GRIA2: variants seen among roughly 807,000 people sequenced by gnomAD.
The protein encoded by GRIA2 is glutamate ionotropic receptor AMPA type subunit 2.
In GRIA2, 14 loss-of-function variants were observed where a neutral mutation model predicts 97.3. The observed-to-expected ratio is 0.14, with a 90% confidence interval of 0.10 to 0.23. The LOEUF is 0.23. GRIA2 is among the 10% of genes least tolerant of loss of function. The probability of loss-of-function intolerance (pLI) is 1.00; values close to 1 mark genes in which losing one functional copy is unlikely to be tolerated. For missense variants in GRIA2, 558 were observed against 1,069.8 expected, an observed-to-expected ratio of 0.52 and a Z score of 6.67; for synonymous variants, 412 against 387.8, an observed-to-expected ratio of 1.06 and a Z score of -0.73.
Position 157,312,789 on chromosome 4 carries a change from T to A in GRIA2, c.580T>A (p.Ser194Thr), listed in dbSNP as rs758528604. 6.2e-7 allele frequency: 1 copy of A among 1,610,622 alleles called. No homozygotes were observed. Among genetic ancestry groups the A allele is most frequent in the Non-Finnish European group, 8.5e-7 (1 of 1,177,264 alleles). ...NNDKKDEMYR[S>T]LFQDLELKKE... ...TGACAAGAAAGATGAGATGTACCGA[T>A]CACTTTTTCAAGATCTGGAGTTAAA... The change falls in exon 4 of 16, where the codon TCA (serine) becomes ACA (threonine). Residue 194 changes from serine (S) to threonine (T), a missense_variant. Coordinates refer to ENST00000264426, the MANE Select transcript of GRIA2 (RefSeq NM_001083619.3).
At chr4:157,310,971 A>T (rs539234766) in intron 3 of GRIA2, among the ~76,000 whole-genome samples, 2 of 152,174 alleles carry the variant, frequency 1.3e-5, no homozygotes, top group East Asian at 3.9e-4. Flanking sequence ...GAATATTATC[A>T]TTTGGAGACA....
intron 2 of GRIA2, among the ~76,000 whole-genome samples, chr4:157,244,260 C>T (rs1382993873): frequency 6.6e-6 from 1 of 151,978 alleles, no homozygotes; most frequent in Non-Finnish European, 1.5e-5. Context: ...AATAAACCAA[C>T]AAAAGCTAGA....
At chr4:157,278,568 C>T (rs547579692) in intron 2 of GRIA2, among the ~76,000 whole-genome samples, 2 of 151,924 alleles carry the variant, frequency 1.3e-5, no homozygotes, top group Non-Finnish European at 2.9e-5. Flanking sequence ...ATGTTGATTA[C>T]TTTTAGGATA....
At chr4:157,295,966 A>C (rs2126847684) in intron 2 of GRIA2, among the ~76,000 whole-genome samples, 1 of 152,238 alleles carries the variant, frequency 6.6e-6, no homozygotes, top group Non-Finnish European at 1.5e-5. Context: ...TCATGTGCAA[A>C]ATTTGTTATT....
At chr4:157,333,463 C>T (rs1735148719) in intron 8 of GRIA2, 110 bp downstream of exon 8, 5 of 481,424 alleles carry the variant, frequency 1.0e-5, no homozygotes, top group South Asian at 4.8e-5. Context: ...TAGAGTTTAA[C>T]GACTTCCAGA....
chr4:157,315,310 T>C (rs955190967), intron 4 of GRIA2, among the ~76,000 whole-genome samples: 6 of 151,552 alleles, frequency 4.0e-5, no homozygotes, highest in African/African-American at 1.2e-4. Flanking sequence ...ACAGAAAGAA[T>C]TAATTTAGAT....
intron 2 of GRIA2, among the ~76,000 whole-genome samples, chr4:157,296,011 G>A (rs1395383027): frequency 6.6e-6 from 1 of 152,118 alleles, no homozygotes; most frequent in Admixed American, 6.6e-5. Context: ...TTCAATGTAT[G>A]TTCCAGGCAA....
chr4:157,349,838 A>G (rs1037945846), intron 12 of GRIA2, among the ~76,000 whole-genome samples: 3 of 152,166 alleles, frequency 2.0e-5, no homozygotes, highest in African/African-American at 7.2e-5. Flanking sequence ...TTGGATCAAG[A>G]TGCTGAATTA....
intron 2 of GRIA2, among the ~76,000 whole-genome samples, chr4:157,238,286 GAAATTT>G (rs1561004714): frequency 6.6e-6 from 1 of 152,094 alleles, no homozygotes. Context: ...AACCGTCAGG[GAAATTT>G]ATAAATCTTT....
chr4:157,230,579 T>TTCCTTCTTTCC (rs1554005283), intron 2 of GRIA2, among the ~76,000 whole-genome samples: 3 of 135,814 alleles, frequency 2.2e-5, no homozygotes, highest in African/African-American at 8.8e-5. Context: ...TCCTTCCTTC[T>TTCCTTCTTTCC]TTCCTTCCTT....
chr4:157,248,615 G>GTATATATAAGTATATATATACACCTGTA (rs1554006772), intron 2 of GRIA2, among the ~76,000 whole-genome samples: 1 of 124,546 alleles, frequency 8.0e-6, no homozygotes, highest in African/African-American at 3.0e-5. Context: ...ATATATACAT[G>GTATATATAAGTATATATATACACCTGTA]TATATATACG....
At chr4:157,238,250 A>G (rs569558516) in intron 2 of GRIA2, among the ~76,000 whole-genome samples, 63 of 152,288 alleles carry the variant, frequency 4.1e-4, no homozygotes, top group African/African-American at 1.1e-3. Flanking sequence ...CTTATGGTGC[A>G]TGTCATAAAC....
Position 157,363,051 on chromosome 4 carries a change from G to A in GRIA2, c.*3+4G>A. On this transcript the variant is annotated splice_donor_region_variant and intron_variant, in intron 15 of 15. Transcript: ENST00000264426. ...CGAAAGTGTTAAAATTTAGGGGGTA[G>A]GAACGAGGCTCTAATACAAACTTTT... 1.9e-6 allele frequency: 3 copies of A among 1,604,526 alleles called. No homozygotes were observed. The highest frequency in any genetic ancestry group is 2.6e-6 in the Non-Finnish European group (3 of 1,174,352).
chr4:157,297,797 T>C (rs1459639112), intron 2 of GRIA2, among the ~76,000 whole-genome samples: 1 of 152,076 alleles, frequency 6.6e-6, no homozygotes, highest in Non-Finnish European at 1.5e-5. Flanking sequence ...TTTTTTATTC[T>C]AGAAAGCTCA....
Position 157,317,691 on chromosome 4 carries a change from C to A in GRIA2, c.700C>A (p.His234Asn). 1 of 1,226,478 alleles carries A rather than the reference C, an allele frequency of 8.2e-7. No homozygotes were observed. The highest frequency in any genetic ancestry group is 1.2e-6 in the Non-Finnish European group (1 of 834,470). The allele number at this position is 1,226,478 out of a possible 1,614,324, so 76.0% of individuals were successfully genotyped here. ...ITIGKHVKGYHYIIANLGFTD... is the reference protein window; with the variant it reads ...ITIGKHVKGYNYIIANLGFTD... ...CATTGGAAAACATGTTAAAGGGTAC[C>A]ACTACATCATTGCAAATCTGGTAGG... The change falls in exon 5 of 16, where the codon CAC becomes AAC. Residue 234 changes from histidine to asparagine, a missense_variant. By Grantham distance (68) the His-to-Asn change is moderately conservative (BLOSUM62 1). Coordinates refer to ENST00000264426, the MANE Select transcript of GRIA2 (RefSeq NM_001083619.3).
intron 2 of GRIA2, among the ~76,000 whole-genome samples, chr4:157,297,561 A>G (rs1310796750): frequency 6.6e-6 from 1 of 152,114 alleles, no homozygotes; most frequent in Non-Finnish European, 1.5e-5. Context: ...CAGACAGACT[A>G]GTAGAGTAAC....
At chr4:157,363,238 T>G in intron 15 of GRIA2, 191 bp downstream of exon 15, 2 of 661,148 alleles carry the variant, frequency 3.0e-6, no homozygotes, top group Non-Finnish European at 2.5e-6. Context: ...CACAGTAGCT[T>G]GGGTGAATGT....
chr4:157,303,623 A>G lies in GRIA2; in HGVS notation c.301A>G (p.Thr101Ala), dbSNP rs1733710789. The change falls in exon 3 of 16, where the codon ACA becomes GCA. Residue 101 changes from threonine (T) to alanine (A), a missense_variant. Around this residue, in one of 8 missense-constraint regions of GRIA2, gnomAD observed 96 missense variants for 176.6 expected, o/e 0.54. Coordinates refer to ENST00000264426, the MANE Select transcript of GRIA2 (RefSeq NM_001083619.3). ...FYDKKSVNTI[T>A]SFCGTLHVSF... ...TGACAAGAAGTCTGTAAATACCATC[A>G]CATCATTTTGCGGAACACTCCACGT... is the stretch of plus-strand genomic sequence containing the variant. 1 of 1,614,000 alleles carries G rather than the reference A, an allele frequency of 6.2e-7. No individual in the cohort carries two copies.
intron 11 of GRIA2, 99 bp downstream of exon 11, chr4:157,336,846 T>G: frequency 9.0e-7 from 1 of 1,109,366 alleles, no homozygotes; most frequent in Non-Finnish European, 1.3e-6. Context: ...AGCTGCCGAC[T>G]TCCTGTCCAA....
Sources: gnomAD v4.1 joint callset for allele counts (sites outside exome capture counted in the v4.1 genomes callset) on GRCh38, gnomAD v4.1.1 for gene constraint, gnomAD v4.1.1 regional missense constraint, MANE v1.5 for transcripts, NCBI Gene and HGNC (gene_info 2026-07-23, HGNC 2026-07-21) for gene names.